Variants in MGAM observed in about 807,000 individuals in gnomAD.
MGAM encodes the protein maltase-glucoamylase.
A neutral mutation model predicts 358.8 loss-of-function variants in MGAM; 253 were observed. The observed-to-expected ratio is 0.71, with a 90% CI of 0.64 to 0.78. The LOEUF is 0.78. Among genes scored for constraint, MGAM ranks in the 30% least tolerant of loss-of-function variants. The probability of loss-of-function intolerance (pLI) is 0.00; values close to 1 mark genes in which losing one functional copy is unlikely to be tolerated. For synonymous variants in MGAM, 1,105 were observed against 1,227.1 expected (o/e 0.90, Z 2.08); for missense variants, 3,080 against 3,432.6 (o/e 0.90, Z 2.57).
In MGAM at chr7:142,061,211, G is replaced by A. The variant is rs374875083; in HGVS notation, c.4122+838G>A. ...GTACTTAGGGAAGTTCCTACCTCAC[G>A]GCTGGCCAGGTTCCCTACGTGTACC... On this transcript the variant is annotated intron_variant, in intron 34 of 70. Coordinates refer to ENST00000475668, the MANE Select transcript of MGAM (RefSeq NM_001365693.1). Among the ~76,000 whole-genome samples, 8 of 152,210 alleles carry A rather than the reference G, an allele frequency of 5.3e-5. No homozygotes were observed. In the South Asian group the frequency reaches 1.7e-3, roughly 32 times the overall value.
In MGAM at chr7:142,030,388, T is replaced by C. The variant is rs1807367367; in HGVS notation, c.1248T>C (p.Tyr416=). Residue 416 remains tyrosine (Y), a synonymous_variant, in exon 11 of 71, where the codon TAT becomes TAC. Coordinates refer to ENST00000475668, the MANE Select transcript of MGAM (RefSeq NM_001365693.1). ...PYDVQHADID[Y]MDERRDFTYD... Reference sequence around the variant, plus strand: ...ATGTTCAGCATGCTGATATTGATTATATGGATGAGAGAAGGGACTTCACTT... The same window carrying C: ...ATGTTCAGCATGCTGATATTGATTACATGGATGAGAGAAGGGACTTCACTT... 1.9e-6 allele frequency: 3 copies of C among 1,613,236 alleles called. No individual in the cohort carries two copies. Among genetic ancestry groups the C allele is most frequent in the Non-Finnish European group, 8.5e-7 (1 of 1,179,604 alleles).
At chr7:142,034,882 C>T (rs782626137) in intron 16 of MGAM, 41 bp downstream of exon 16, 2 of 1,569,136 alleles carry the variant, frequency 1.3e-6, no homozygotes, top group Non-Finnish European at 1.7e-6. Context: ...CCTGAATTCC[C>T]AGGCAACCTC....
Position 142,040,790 on chromosome 7 carries a change from C to A in MGAM, c.2442C>A (p.His814Gln). The A allele has an allele frequency of 6.2e-7, 1 of 1,613,220 alleles. No individual in the cohort carries two copies. Among genetic ancestry groups the A allele is most frequent in the South Asian group, 1.1e-5 (1 of 91,010 alleles). The change falls in exon 21 of 71, where the codon CAC becomes CAA. Residue 814 changes from histidine (H) to glutamine (Q), a missense_variant. His to Gln is a conservative substitution (Grantham distance 24). This residue lies in a region of MGAM where 1,816 missense variants were observed against 1,840.5 expected (regional missense o/e 0.99). Transcript: ENST00000475668. ...TTCCTGGAGACAAAATTGGACTTCACCTTCGAGGAGGCTACATCTTCCCCA... is the reference window on the plus strand; with the variant it reads ...TTCCTGGAGACAAAATTGGACTTCAACTTCGAGGAGGCTACATCTTCCCCA... The part of the protein sequence containing the change: ...MELPGDKIGL[H>Q]LRGGYIFPTQ...
chr7:142,055,290 G>A (rs575743656), intron 27 of MGAM, among the ~76,000 whole-genome samples: 1 of 152,310 alleles, frequency 6.6e-6, no homozygotes, highest in Admixed American at 6.5e-5. Context: ...AGTGGTCCCA[G>A]CTGTGATGAT....
In MGAM at chr7:142,056,794, G is replaced by C. The variant is rs763304772; in HGVS notation, c.3581-36G>C. On this transcript the variant is annotated intron_variant, in intron 29 of 70. Transcript: ENST00000475668. ...TCAGGGGTGATTCGTGACATGGAAG[G>C]TGTCCGTGAGGCTTGGCATTTTTCT... The C allele has an allele frequency of 2.5e-6, 4 of 1,600,910 alleles. No individual in the cohort carries two copies. In the Admixed American group the frequency reaches 5.0e-5, roughly 20 times the overall value.
At chr7:142,013,550 C>T (rs562586494) in intron 3 of MGAM, among the ~76,000 whole-genome samples, 9 of 152,212 alleles carry the variant, frequency 5.9e-5, no homozygotes, top group African/African-American at 1.9e-4. Context: ...AAATTATTTT[C>T]ACCCCATATT....
At position 142,027,172 on chromosome 7, in the gene MGAM, A is replaced by G; in HGVS notation, c.1040A>G (p.Asp347Gly). The G allele has an allele frequency of 6.2e-7, 1 of 1,613,738 alleles. No homozygotes were observed. Among genetic ancestry groups the G allele is most frequent in the Non-Finnish European group, 8.5e-7 (1 of 1,179,698 alleles). The stretch of plus-strand genomic sequence containing the variant: ...TACCGCACCATTGGGGGCATTCTCG[A>G]CTTCTATGTGTTCTTGGGAAACACT... ...ITYRTIGGIL[D>G]FYVFLGNTPE... The change falls in exon 9 of 71, where the codon GAC (aspartate) becomes GGC (glycine). Residue 347 changes from aspartate (D) to glycine (G), a missense_variant. Physicochemically the swap from Asp to Gly is moderately conservative, Grantham distance 94. Around this residue, in one of 5 missense-constraint regions of MGAM, gnomAD observed 1,816 missense variants for 1,840.5 expected, o/e 0.99. Coordinates refer to ENST00000475668, the MANE Select transcript of MGAM (RefSeq NM_001365693.1).
chr7:142,102,044 A>G (rs968653839), intron 68 of MGAM, among the ~76,000 whole-genome samples: 1 of 152,138 alleles, frequency 6.6e-6, no homozygotes, highest in African/African-American at 2.4e-5. Flanking sequence ...TGACTAGTTC[A>G]CCTTCACCGG....
At chr7:142,099,982 C>CA (rs1205272417) in intron 67 of MGAM, among the ~76,000 whole-genome samples, 2 of 152,202 alleles carry the variant, frequency 1.3e-5, no homozygotes, top group East Asian at 3.9e-4. Context: ...CTTTCAATCT[C>CA]ACAATTGAAA....
In MGAM at chr7:142,040,832, A is replaced by G; in HGVS notation, c.2484A>G (p.Thr828=). The G allele has an allele frequency of 1.2e-6, 2 of 1,611,742 alleles. No individual in the cohort carries two copies. Among genetic ancestry groups the G allele is most frequent in the Non-Finnish European group, 1.7e-6 (2 of 1,178,822 alleles). ...GYIFPTQQPN[T]TTLASRKNPL... Reference sequence around the variant, plus strand: ...TCTTCCCCACACAGCAGCCAAATACAACCACTCTGGCCAGGTATAGCATGG... The same window carrying G: ...TCTTCCCCACACAGCAGCCAAATACGACCACTCTGGCCAGGTATAGCATGG... Residue 828 remains threonine, a synonymous_variant, in exon 21 of 71, where the codon ACA becomes ACG. Coordinates refer to ENST00000475668, the MANE Select transcript of MGAM (RefSeq NM_001365693.1).
intron 9 of MGAM, 145 bp from the exon 10 acceptor site, chr7:142,027,465 G>T (rs1223831968): frequency 3.1e-6 from 3 of 982,090 alleles, no homozygotes; most frequent in Non-Finnish European, 4.4e-6. Flanking sequence ...TTATGAAGGG[G>T]CTGGAAAAAT....
rs1376416255 is a variant in MGAM, at chr7:142,091,783, AT to A, written c.6811-127del. 3.1e-6 allele frequency: 3 copies of A among 980,394 alleles called. 1 individual carries two copies. In the African/African-American group the frequency reaches 4.8e-5, roughly 16 times the overall value. 60.7% of individuals were successfully genotyped at this position (980,394 alleles called of 1,614,324 possible). ...ATTTCTCTAATAAGTTAATAACATT[AT>A]TTAGGCCCTGTTCAGGCCGTCTGTC... On this transcript the variant is annotated intron_variant, in intron 57 of 70. Transcript: ENST00000475668.
intron 2 of MGAM, among the ~76,000 whole-genome samples, chr7:141,987,657 T>C (rs782318599): frequency 6.6e-5 from 10 of 152,176 alleles, no homozygotes; most frequent in Non-Finnish European, 1.3e-4. Context: ...TAAAGAGAAA[T>C]AGCCATCTCT....
At position 142,065,828 on chromosome 7, in the gene MGAM, C is replaced by T; in HGVS notation, c.4767C>T (p.Thr1589=). Residue 1589 remains threonine (T), a synonymous_variant, in exon 40 of 71, where the codon ACC becomes ACT. Transcript: ENST00000475668. ...PFSRNHNTIG[T]RRQDPVSWDA... ...CAAGAAACCACAATACCATTGGGAC[C>T]AGGGTAGGACAGTGGCTTCTACCTC... is the stretch of plus-strand genomic sequence containing the variant. The T allele has an allele frequency of 7.1e-6, 11 of 1,547,794 alleles. 1 individual carries two copies. In the South Asian group the frequency reaches 1.2e-4, roughly 17 times the overall value.
At chr7:142,011,228 C>T (rs961177294) in intron 3 of MGAM, among the ~76,000 whole-genome samples, 13 of 152,142 alleles carry the variant, frequency 8.5e-5, no homozygotes, top group South Asian at 4.1e-4. Flanking sequence ...TCTTTTACAG[C>T]GAACACACTT....
chr7:142,001,443 T>C (rs1804726068), intron 1 of MGAM, among the ~76,000 whole-genome samples: 1 of 152,176 alleles, frequency 6.6e-6, no homozygotes, highest in African/African-American at 2.4e-5. Context: ...CAAGGAAATA[T>C]CAAACAATTC....
chr7:142,102,361 T>C (rs1355989012), intron 68 of MGAM, among the ~76,000 whole-genome samples: 1 of 152,234 alleles, frequency 6.6e-6, no homozygotes, highest in Non-Finnish European at 1.5e-5. Context: ...AACTGTGTTA[T>C]ATGAAGTGAC....
At chr7:142,060,457 C>G (rs1161390674) in intron 34 of MGAM, 84 bp downstream of exon 34, 3 of 1,497,760 alleles carry the variant, frequency 2.0e-6, no homozygotes, top group Non-Finnish European at 9.3e-7. Flanking sequence ...ATGCCTGTAC[C>G]GTGGACATGG....
Position 142,038,333 on chromosome 7 carries a change from A to C in MGAM, c.2232-198A>C, listed in dbSNP as rs549909772. 1.2e-4 allele frequency among the ~76,000 whole-genome samples: 19 copies of C among 152,234 alleles called. No homozygotes were observed. The South Asian group carries it at 3.9e-3, about 32-fold the overall frequency. On this transcript the variant is annotated intron_variant, in intron 18 of 70. Transcript: ENST00000475668. ...TAGAAACATCTGTTTATCCTGAGGG[A>C]AGAATAGGAGACATGAGCTGGGGAA...
Sources: allele counts gnomAD v4.1 joint callset (sites outside exome capture counted in the v4.1 genomes callset), GRCh38; gene constraint gnomAD v4.1.1; regional missense constraint gnomAD v4.1.1; transcripts MANE v1.5; gene names NCBI Gene and HGNC (gene_info 2026-07-23, HGNC 2026-07-21).